The following PRP4K variants were observed in gnomAD, a reference collection of about 807,000 sequenced individuals.
PRP4K encodes pre-mRNA processing factor kinase PRP4K, also known as serine/threonine-protein kinase PRP4 homolog.
At chr6:4,045,878 G>C in the PRP4K span, among the ~76,000 whole-genome samples, 1 of 152,034 alleles carries the variant, frequency 6.6e-6, no homozygotes, top group African/African-American at 2.4e-5. Flanking sequence ...TTGTTTTTTA[G>C]GAATCATCTT....
the PRP4K span, among the ~76,000 whole-genome samples, chr6:4,059,405 C>G: frequency 6.6e-6 from 1 of 152,172 alleles, no homozygotes; most frequent in Non-Finnish European, 1.5e-5. Flanking sequence ...CAAGCCTCAG[C>G]TGAAATACAC....
At chr6:4,055,341 T>C in the PRP4K span, among the ~76,000 whole-genome samples, 2 of 152,250 alleles carry the variant, frequency 1.3e-5, no homozygotes, top group East Asian at 3.8e-4. Context: ...AAGATGCTTT[T>C]CTGATTCCCA....
the PRP4K span, among the ~76,000 whole-genome samples, chr6:4,054,964 A>G: frequency 7.0e-3 from 1,064 of 152,322 alleles, 8 homozygotes; most frequent in African/African-American, 0.022. Context: ...CTAATGCTAA[A>G]CTAGTATAGG....
chr6:4,025,137 G>C, the PRP4K span, among the ~76,000 whole-genome samples: 1 of 152,114 alleles, frequency 6.6e-6, no homozygotes, highest in Non-Finnish European at 1.5e-5. Context: ...TTGTGACCAG[G>C]TTGGTATACA....
the PRP4K span, among the ~76,000 whole-genome samples, chr6:4,028,945 C>A: frequency 6.6e-6 from 1 of 151,762 alleles, no homozygotes; most frequent in Non-Finnish European, 1.5e-5. Flanking sequence ...CTTTAATTCT[C>A]TCTCAACTAC....
At chr6:4,028,072 C>A in the PRP4K span, among the ~76,000 whole-genome samples, 1 of 152,146 alleles carries the variant, frequency 6.6e-6, no homozygotes, top group Non-Finnish European at 1.5e-5. Context: ...TGGGAGATTT[C>A]TGGGGACAAA....
the PRP4K span, chr6:4,040,962 C>A: frequency 6.4e-7 from 1 of 1,568,508 alleles, no homozygotes; most frequent in South Asian, 1.2e-5. Flanking sequence ...TTTGTTTTTC[C>A]AGTTTAGAGA....
At chr6:4,024,827 T>G in the PRP4K span, among the ~76,000 whole-genome samples, 2 of 152,180 alleles carry the variant, frequency 1.3e-5, no homozygotes, top group Admixed American at 1.3e-4. Context: ...GGTCTCAAAC[T>G]CCTGACCTCA....
chr6:4,047,400 C>A, the PRP4K span: 1 of 700,948 alleles, frequency 1.4e-6, no homozygotes. Flanking sequence ...AGTTTTGCAT[C>A]TTATAAGTCT....
At chr6:4,042,414 C>T in the PRP4K span, 1 of 1,175,430 alleles carries the variant, frequency 8.5e-7, no homozygotes, top group Non-Finnish European at 1.2e-6. Context: ...CTACATTTTC[C>T]TGCCTTTAAC....
chr6:4,027,335 C>G, the PRP4K span, among the ~76,000 whole-genome samples: 1 of 152,044 alleles, frequency 6.6e-6, no homozygotes, highest in Admixed American at 6.6e-5. Flanking sequence ...TTTTCATAAG[C>G]CTATGATTTG....
chr6:4,051,949 TA>T, the PRP4K span: 2 of 1,514,828 alleles, frequency 1.3e-6, no homozygotes, highest in Admixed American at 2.2e-5. Context: ...TTTTTTTTTT[TA>T]TTTTAGGCAA....
the PRP4K span, among the ~76,000 whole-genome samples, chr6:4,037,911 C>G: frequency 6.6e-6 from 1 of 151,004 alleles, no homozygotes; most frequent in East Asian, 1.9e-4. Flanking sequence ...AATATATAGC[C>G]CAGTTTCTTA....
chr6:4,054,826 A>G, the PRP4K span, among the ~76,000 whole-genome samples: 2 of 152,228 alleles, frequency 1.3e-5, no homozygotes, highest in Non-Finnish European at 2.9e-5. Flanking sequence ...TACATGGTTC[A>G]TGTCAAAGAA....
At chr6:4,058,966 A>C in the PRP4K span, 5 of 550,304 alleles carry the variant, frequency 9.1e-6, no homozygotes, top group African/African-American at 3.9e-5. Flanking sequence ...ACATCAGACC[A>C]TGGAAAAGAT....
At chr6:4,021,370 A>G in the PRP4K span, 7 of 1,551,486 alleles carry the variant, frequency 4.5e-6, no homozygotes, top group East Asian at 4.8e-5. Flanking sequence ...CACTTCCCCT[A>G]CCCTCCACCG....
chr6:4,041,333 A>T, the PRP4K span, among the ~76,000 whole-genome samples: 1 of 152,214 alleles, frequency 6.6e-6, no homozygotes, highest in African/African-American at 2.4e-5. Flanking sequence ...TCCTTTTTAC[A>T]ACATGAAAAT....
At chr6:4,062,052 CCA>C in the PRP4K span, 1 of 152,500 alleles carries the variant, frequency 6.6e-6, no homozygotes, top group African/African-American at 2.4e-5. This position sits in a 1 kb window ranked among gnomAD's most constrained non-coding sequence, Gnocchi z 4.2. Flanking sequence ...GCCAAAATTA[CCA>C]GTTTATTAAT....
At chr6:4,032,633 T>C in the PRP4K span, 1 of 1,614,104 alleles carries the variant, frequency 6.2e-7, no homozygotes, top group Non-Finnish European at 8.5e-7. Context: ...CACTTTTGAA[T>C]GATAGAAGAT....
Sources: allele counts gnomAD v4.1 joint callset (sites outside exome capture counted in the v4.1 genomes callset), GRCh38; gene constraint gnomAD v4.1.1; non-coding constraint Gnocchi (gnomAD v3.1); transcripts MANE v1.5; gene names NCBI Gene and HGNC (gene_info 2026-07-23, HGNC 2026-07-21).